INSC: variants seen among roughly 807,000 people sequenced by gnomAD.
The protein encoded by INSC is protein inscuteable homolog.
INSC carries 67 observed loss-of-function variants against 58.6 expected under a neutral mutation model. The observed-to-expected ratio is 1.14, with a 90% CI of 0.94 to 1.40. The LOEUF is 1.40. Among genes scored for constraint, INSC ranks in the 40% most tolerant of loss-of-function variants. The pLI is 0.00. For synonymous variants in INSC, 262 were observed against 276.1 expected (o/e 0.95, Z 0.51); for missense variants, 714 against 692.0 (o/e 1.03, Z -0.36).
chr11:15,178,212 A>G (rs907146990), intron 4 of INSC, 112 bp from the exon 5 acceptor site: 1 of 1,413,286 alleles, frequency 7.1e-7, no homozygotes, highest in Non-Finnish European at 9.6e-7. Flanking sequence ...CCAGTTGCCA[A>G]TGTCTTCAGC....
chr11:15,180,214 C>T lies in INSC; in HGVS notation c.579+1767C>T, dbSNP rs187168169. Among the ~76,000 whole-genome samples, 528 of 152,012 alleles carry T rather than the reference C, an allele frequency of 3.5e-3. 9 individuals are homozygous for T. Among genetic ancestry groups the T allele is most frequent in the Admixed American group, 0.025 (384 of 15,268 alleles). ...CGGAGCTTGCAGTGAGGGGAGATCG[C>T]GCCACTGCACTCCAGCCTGGGCAAC... On this transcript the variant is annotated intron_variant, in intron 5 of 12. Coordinates refer to ENST00000379556, the MANE Select transcript of INSC (RefSeq NM_001042536.3).
intron 7 of INSC, among the ~76,000 whole-genome samples, chr11:15,213,127 A>G (rs1397281895): frequency 6.7e-6 from 1 of 148,686 alleles, no homozygotes; most frequent in East Asian, 2.1e-4. Flanking sequence ...TGTCCATGAG[A>G]GTTACTTGAG....
chr11:15,149,012 G>A, intron 1 of INSC, 118 bp from the exon 2 acceptor site: 3 of 1,238,772 alleles, frequency 2.4e-6, no homozygotes, highest in Middle Eastern at 2.0e-4. Context: ...AGAAGAAGAG[G>A]GCTAAGAAGT....
downstream of INSC, among the ~76,000 whole-genome samples, chr11:15,247,573 T>C (rs922315148): frequency 6.6e-6 from 1 of 151,954 alleles, no homozygotes; most frequent in Admixed American, 6.6e-5. Context: ...AGTATAGATA[T>C]TAACATTTAC....
At chr11:15,114,808 G>GT (rs1334151177), upstream of INSC, 1 of 346,134 alleles carries the variant, frequency 2.9e-6, no homozygotes, top group East Asian at 1.7e-4. Flanking sequence ...GCGCGCTGCT[G>GT]TGGAAGGTCC....
chr11:15,118,691 T>C (rs1347827281), intron 1 of INSC, among the ~76,000 whole-genome samples: 1 of 152,210 alleles, frequency 6.6e-6, no homozygotes, highest in Non-Finnish European at 1.5e-5. Context: ...ACCACATCTC[T>C]GCTGAATTTT....
intron 1 of INSC, among the ~76,000 whole-genome samples, chr11:15,148,358 T>C (rs1253505223): frequency 6.6e-6 from 1 of 152,244 alleles, no homozygotes; most frequent in Non-Finnish European, 1.5e-5. Context: ...TTTCTTGGTA[T>C]GCTAACTTTG....
intron 5 of INSC, among the ~76,000 whole-genome samples, chr11:15,182,246 C>T (rs1459420699): frequency 6.6e-6 from 1 of 152,136 alleles, no homozygotes; most frequent in Non-Finnish European, 1.5e-5. Context: ...CCTGTTGTCC[C>T]AGGATGTCAT....
chr11:15,175,699 T>G, intron 2 of INSC, 42 bp from the exon 3 acceptor site: 5 of 1,434,972 alleles, frequency 3.5e-6, no homozygotes, highest in Non-Finnish European at 3.8e-6. Context: ...TTGGAAATCA[T>G]GGGGTGTTGA....
In INSC at chr11:15,142,464, T is replaced by C. The variant is rs1285784653; in HGVS notation, c.-45-6666T>C. Among the ~76,000 whole-genome samples the C allele has an allele frequency of 3.9e-5, 6 of 152,372 alleles. No homozygotes were observed. In the East Asian group the frequency reaches 1.2e-3, roughly 29 times the overall value. ...ATCCTCTGCTTTTTCTACATTATTC[T>C]TTCAAGTTTCAGTGTTGCAGTGATG... is the stretch of plus-strand genomic sequence containing the variant. On this transcript the variant is annotated intron_variant, in intron 1 of 12. Coordinates refer to ENST00000379556, the MANE Select transcript of INSC (RefSeq NM_001042536.3).
the INSC span, among the ~76,000 whole-genome samples, chr11:15,262,629 A>G: frequency 6.7e-6 from 1 of 149,448 alleles, no homozygotes; most frequent in Non-Finnish European, 1.5e-5. Flanking sequence ...GAGTTTTCAG[A>G]CTTAATTTAC....
intron 5 of INSC, among the ~76,000 whole-genome samples, chr11:15,182,635 T>G (rs1849821258): frequency 6.6e-6 from 1 of 152,220 alleles, no homozygotes; most frequent in Non-Finnish European, 1.5e-5. Context: ...ACACTGTGTT[T>G]CTGCCACTCC....
chr11:15,148,344 T>C (rs1490391505), intron 1 of INSC, among the ~76,000 whole-genome samples: 1 of 152,206 alleles, frequency 6.6e-6, no homozygotes, highest in Admixed American at 6.5e-5. Context: ...GGACCCAGCA[T>C]TTTTTTCTTG....
chr11:15,212,824 T>C (rs1851078928), intron 7 of INSC, among the ~76,000 whole-genome samples: 2 of 152,232 alleles, frequency 1.3e-5, no homozygotes, highest in Admixed American at 1.3e-4. Context: ...CCTTCTATTT[T>C]TGCATATCTT....
At chr11:15,224,236 T>C (rs1445346240) in intron 8 of INSC, among the ~76,000 whole-genome samples, 1 of 152,222 alleles carries the variant, frequency 6.6e-6, no homozygotes, top group Non-Finnish European at 1.5e-5. Flanking sequence ...ACTACTAGCT[T>C]CTCTAAGATT....
chr11:15,246,590 A>C lies in INSC; in HGVS notation c.*550A>C, dbSNP rs1852573162. 6.5e-6 allele frequency: 1 copy of C among 152,756 alleles called. No individual in the cohort carries two copies. Among genetic ancestry groups the C allele is most frequent in the African/African-American group, 2.4e-5 (1 of 41,458 alleles). The allele number at this position is 152,756 out of a possible 1,614,324, so 9.5% of individuals were successfully genotyped here. On this transcript the variant is annotated 3_prime_UTR_variant, in exon 13 of 13. Coordinates refer to ENST00000379556, the MANE Select transcript of INSC (RefSeq NM_001042536.3). ...TCTTGCTTCCCAGGTTTCATTCCCC[A>C]AAAACTTTTCCAACCATTAAAAGTA...
intron 7 of INSC, among the ~76,000 whole-genome samples, chr11:15,208,399 C>A (rs1379281539): frequency 6.6e-6 from 1 of 152,208 alleles, no homozygotes. Context: ...CTGGCACTGT[C>A]ATTGTCACTC....
intron 1 of INSC, among the ~76,000 whole-genome samples, chr11:15,123,950 C>T (rs1452999077): frequency 6.6e-6 from 1 of 152,172 alleles, no homozygotes; most frequent in Non-Finnish European, 1.5e-5. Context: ...GAAAGTGGGT[C>T]TTACTAAGTC....
At chr11:15,159,698 G>A (rs1848947170) in intron 2 of INSC, among the ~76,000 whole-genome samples, 1 of 152,198 alleles carries the variant, frequency 6.6e-6, no homozygotes, top group South Asian at 2.1e-4. Context: ...CTTGTGATCT[G>A]TGTGATCTCA....
Sources: allele counts gnomAD v4.1 joint callset (sites outside exome capture counted in the v4.1 genomes callset), GRCh38; gene constraint gnomAD v4.1.1; transcripts MANE v1.5; gene names NCBI Gene and HGNC (gene_info 2026-07-23, HGNC 2026-07-21).